The following EIF2B5 variants were observed in gnomAD, a reference collection of about 807,000 sequenced individuals.
EIF2B5 encodes translation initiation factor eIF2B subunit epsilon.
In EIF2B5, 38 loss-of-function variants were observed where a neutral mutation model predicts 87.3. The observed-to-expected ratio is 0.44, with a 90% confidence interval of 0.34 to 0.57. The LOEUF (loss-of-function observed/expected upper bound fraction) is 0.57. Ranked by LOEUF, EIF2B5 falls within the 20% of genes least tolerant of loss-of-function variation. The pLI, the probability that EIF2B5 is intolerant of heterozygous loss-of-function variation, is 0.02. For missense variants in EIF2B5, 784 were observed against 909.5 expected, an observed-to-expected ratio of 0.86 and a Z score of 1.78; for synonymous variants, 313 against 339.6, an observed-to-expected ratio of 0.92 and a Z score of 0.86.
At position 184,142,877 on chromosome 3, in the gene EIF2B5, G is replaced by A. The variant is rs372248462; in HGVS notation, c.1645G>A (p.Asp549Asn). The change falls in exon 11 of 16, where the codon GAC (aspartate) becomes AAC (asparagine). Residue 549 changes from aspartate to asparagine, a missense_variant. Physicochemically the swap from Asp to Asn is conservative, Grantham distance 23. This residue lies in a region of EIF2B5 where 660 missense variants were observed against 789.5 expected (regional missense o/e 0.84). Transcript: ENST00000648915. The surrounding 1 kb of genome is among the most constrained non-coding windows in gnomAD (Gnocchi z 5.0). ...DSRGGSPQMD[D>N]IKVFQNEVLG... ...CCGGGGAGGCTCCCCTCAGATGGAT[G>A]ACATCAAAGGTGAGTGGCAGGGGAG... The A allele has an allele frequency of 1.9e-6, 3 of 1,613,330 alleles. No individual in the cohort carries two copies. Among genetic ancestry groups the A allele is most frequent in the African/African-American group, 2.7e-5 (2 of 74,928 alleles).
At chr3:184,140,012 G>C in intron 5 of EIF2B5, 68 bp from the exon 6 acceptor site, 1 of 1,301,130 alleles carries the variant, frequency 7.7e-7, no homozygotes, top group Non-Finnish European at 1.1e-6. Context: ...AACAGAGCTA[G>C]ACTTGTCTCA....
chr3:184,137,590 A>C (rs761899134), intron 2 of EIF2B5, 30 bp from the exon 3 acceptor site: 1 of 1,606,158 alleles, frequency 6.2e-7, no homozygotes, highest in Admixed American at 1.7e-5. Context: ...TGCTTGATAC[A>C]CTCATTCCCC....
chr3:184,144,241 GC>G lies in EIF2B5; in HGVS notation c.1995+21del, dbSNP rs763752673. The G allele has an allele frequency of 7.7e-5, 125 of 1,613,528 alleles. No individual in the cohort carries two copies. Among genetic ancestry groups the G allele is most frequent in the Non-Finnish European group, 1.0e-4 (122 of 1,180,020 alleles). On this transcript the variant is annotated intron_variant, in intron 14 of 15. Coordinates refer to ENST00000648915, the MANE Select transcript of EIF2B5 (RefSeq NM_003907.3). ...ATGGCCAAGGTGAATATGACCTCAA[GC>G]CCCATTCTTCTGCACTTGCTTTCAA...
In EIF2B5 at chr3:184,136,904, TTGTATC is replaced by T. The variant is rs1387243806; in HGVS notation, c.320+172_320+177del. 5.7e-5 allele frequency: 53 copies of T among 937,020 alleles called. 1 individual carries two copies. In the Admixed American group the frequency reaches 8.4e-4, roughly 15 times the overall value. 58.0% of individuals were successfully genotyped at this position (937,020 alleles called of 1,614,324 possible). ...TATCAGGAGGTGAGCAGCTGAAACT[TTGTATC>T]TGTCTGTCTTGGGTTTTCTGTGACA... On this transcript the variant is annotated intron_variant, in intron 2 of 15. Coordinates refer to ENST00000648915, the MANE Select transcript of EIF2B5 (RefSeq NM_003907.3).
rs764294660 is a variant in EIF2B5, at chr3:184,142,211, T to C, written c.1303-26T>C. 2 of 1,614,116 alleles carry C rather than the reference T, an allele frequency of 1.2e-6. No homozygotes were observed. Among genetic ancestry groups the C allele is most frequent in the Non-Finnish European group, 1.7e-6 (2 of 1,180,012 alleles). ...GATGCACTTTTCCTCCACACCCTAA[T>C]GGTTCTGTGTTTTTTTTCCCCTTAG... On this transcript the variant is annotated intron_variant, in intron 8 of 15. Transcript: ENST00000648915. The surrounding 1 kb of genome is among the most constrained non-coding windows in gnomAD (Gnocchi z 5.0).
Position 184,140,463 on chromosome 3 carries a change from G to A in EIF2B5, c.889G>A (p.Gly297Ser), listed in dbSNP as rs962701773. ...CATGCACGTAACAGCTAAGGAATAT[G>A]GTGCCCGTGTCTCCAACCTACACAT... ...IHMHVTAKEYGARVSNLHMYS... is the reference protein window; with the variant it reads ...IHMHVTAKEYSARVSNLHMYS... Residue 297 changes from glycine (G) to serine (S), a missense_variant, in exon 7 of 16, where the codon GGT becomes AGT. By Grantham distance (56) the Gly-to-Ser change is moderately conservative. Coordinates refer to ENST00000648915, the MANE Select transcript of EIF2B5 (RefSeq NM_003907.3). 2 of 1,613,998 alleles carry A rather than the reference G, an allele frequency of 1.2e-6. No homozygotes were observed. Among genetic ancestry groups the A allele is most frequent in the Non-Finnish European group, 1.7e-6 (2 of 1,180,040 alleles).
Position 184,137,983 on chromosome 3 carries a change from G to C in EIF2B5, c.592G>C (p.Glu198Gln), listed in dbSNP as rs2971410. 3 of 1,614,078 alleles carry C rather than the reference G, an allele frequency of 1.9e-6. No homozygotes were observed. The highest frequency in any genetic ancestry group is 2.5e-6 in the Non-Finnish European group (3 of 1,180,040). The change falls in exon 4 of 16, where the codon GAA (glutamate) becomes CAA (glutamine). Residue 198 changes from glutamate to glutamine, a missense_variant. Glu to Gln is a conservative substitution (Grantham distance 29, BLOSUM62 2). Coordinates refer to ENST00000648915, the MANE Select transcript of EIF2B5 (RefSeq NM_003907.3). Reference protein sequence around the residue: ...SSPSHPTRCHEDNVVVAVDST... With the variant: ...SSPSHPTRCHQDNVVVAVDST... ...CCCCAGCCACCCAACTCGTTGCCAC[G>C]AAGACAATGTGGTAGTGGCTGTGGA... is the stretch of plus-strand genomic sequence containing the variant.
At chr3:184,135,994 ATT>A in intron 1 of EIF2B5, 2 of 220,622 alleles carry the variant, frequency 9.1e-6, no homozygotes, top group Non-Finnish European at 1.8e-5. Flanking sequence ...CAGGCAGTGT[ATT>A]TTTTTTTTCC....
Position 184,142,880 on chromosome 3 carries a change from A to G in EIF2B5, c.1648A>G (p.Ile550Val), listed in dbSNP as rs1713703767. ...GGGAGGCTCCCCTCAGATGGATGAC[A>G]TCAAAGGTGAGTGGCAGGGGAGAAA... ...SRGGSPQMDD[I>V]KVFQNEVLGT... The change falls in exon 11 of 16, where the codon ATC (isoleucine) becomes GTC (valine). Residue 550 changes from isoleucine to valine, a missense_variant. Transcript: ENST00000648915. The surrounding 1 kb of genome is among the most constrained non-coding windows in gnomAD (Gnocchi z 5.0). The G allele has an allele frequency of 1.9e-6, 3 of 1,613,482 alleles. No homozygotes were observed. The highest frequency in any genetic ancestry group is 2.5e-6 in the Non-Finnish European group (3 of 1,179,748).
In EIF2B5 at chr3:184,140,689, G is replaced by A; in HGVS notation, c.1115G>A (p.Cys372Tyr). The part of the protein sequence containing the change: ...LGSGTVIGSN[C>Y]FITNSVIGPG... ...TCTGGCACTGTCATTGGCAGCAATT[G>A]CTTTATCACCAACAGTGTCATTGGC... The change falls in exon 7 of 16, where the codon TGC becomes TAC. Residue 372 changes from cysteine to tyrosine, a missense_variant. By Grantham distance (194) the Cys-to-Tyr change is radical. Transcript: ENST00000648915. The A allele has an allele frequency of 6.2e-7, 1 of 1,614,166 alleles. No homozygotes were observed. The highest frequency in any genetic ancestry group is 1.1e-5 in the South Asian group (1 of 91,084).
intron 7 of EIF2B5, among the ~76,000 whole-genome samples, chr3:184,141,059 A>G (rs1713612520): frequency 1.3e-5 from 2 of 152,194 alleles, no homozygotes; most frequent in African/African-American, 4.8e-5. Context: ...GTTACATTTA[A>G]TCTTCATAAT....
In EIF2B5 at chr3:184,145,071, T is replaced by TG; in HGVS notation, c.*130dup. The TG allele has an allele frequency of 1.2e-6, 1 of 847,032 alleles. No homozygotes were observed. The highest frequency in any genetic ancestry group is 2.0e-6 in the Non-Finnish European group (1 of 512,812). 52.5% of individuals were successfully genotyped at this position (847,032 alleles called of 1,614,324 possible). A position where few individuals can be genotyped will look rare whatever the true frequency, so the allele number is the denominator to read the frequency against. ...GGCTGAGACTGAAAGGAGCAGAGGC[T>TG]GGAACTACAGTATTCTTTCCCCTGC... On this transcript the variant is annotated 3_prime_UTR_variant, in exon 16 of 16. Transcript: ENST00000648915. The surrounding 1 kb of genome is among the most constrained non-coding windows in gnomAD (Gnocchi z 4.0).
chr3:184,139,767 C>G (rs1713536674), intron 5 of EIF2B5, among the ~76,000 whole-genome samples: 1 of 151,712 alleles, frequency 6.6e-6, no homozygotes, highest in Non-Finnish European at 1.5e-5. Context: ...CTTGTAATCC[C>G]AGCACTTTGG....
rs1713430603 is a variant in EIF2B5 at position 184,137,798 on chromosome 3, G to A, written c.499G>A (p.Glu167Lys). The change falls in exon 3 of 16, where the codon GAA (glutamate) becomes AAA (lysine). Residue 167 changes from glutamate to lysine, a missense_variant. This residue lies in a region of EIF2B5 where 660 missense variants were observed against 789.5 expected (regional missense o/e 0.84). Coordinates refer to ENST00000648915, the MANE Select transcript of EIF2B5 (RefSeq NM_003907.3). Reference protein sequence around the residue: ...SNINITRALEEHRLRRKLEKN... With the variant: ...SNINITRALEKHRLRRKLEKN... ...CATCAATATCACCAGAGCCCTTGAG[G>A]AACACAGGTCAGGATGGGAAAATGA... The A allele has an allele frequency of 1.2e-6, 2 of 1,614,054 alleles. No individual in the cohort carries two copies. The highest frequency in any genetic ancestry group is 3.3e-5 in the Admixed American group (2 of 59,994).
Position 184,143,552 on chromosome 3 carries a change from C to G in EIF2B5, c.1856C>G (p.Ala619Gly). The G allele has an allele frequency of 6.2e-7, 1 of 1,614,186 alleles. No homozygotes were observed. Among genetic ancestry groups the G allele is most frequent in the East Asian group, 2.2e-5 (1 of 44,880 alleles). ...CCGCTTGACTCAAGCCGCTACTGTG[C>G]CCTGCTGCTTCCTGTGAGCAAAGAT... is the stretch of plus-strand genomic sequence containing the variant. Reference protein sequence around the residue: ...DSPLDSSRYCALLLPLLKAWS... With the variant: ...DSPLDSSRYCGLLLPLLKAWS... The change falls in exon 13 of 16, where the codon GCC (alanine) becomes GGC (glycine). Residue 619 changes from alanine to glycine, a missense_variant. Transcript: ENST00000648915.
chr3:184,144,848 C>T (rs1349683799), intron 15 of EIF2B5, 36 bp from the exon 16 acceptor site: 2 of 1,609,990 alleles, frequency 1.2e-6, no homozygotes, highest in Admixed American at 1.7e-5. Context: ...GTTATGTGCA[C>T]CTCCCCCAGC....
Position 184,140,576 on chromosome 3 carries a change from C to T in EIF2B5, c.1002C>T (p.Ser334=). The change falls in exon 7 of 16, where the codon AGC becomes AGT. Residue 334 remains serine (S), a synonymous_variant. Coordinates refer to ENST00000648915, the MANE Select transcript of EIF2B5 (RefSeq NM_003907.3). The stretch of plus-strand genomic sequence containing the variant: ...ACTTCACTGACAGCACCACCCAGAG[C>T]TGCACTCATTCCCGGCACAACATCT... ...EANFTDSTTQ[S]CTHSRHNIYR... is the part of the protein sequence containing the mutation. 5 of 1,614,228 alleles carry T rather than the reference C, an allele frequency of 3.1e-6. No homozygotes were observed. The highest frequency in any genetic ancestry group is 4.2e-6 in the Non-Finnish European group (5 of 1,180,046).
intron 5 of EIF2B5, chr3:184,138,979 T>C: frequency 4.2e-6 from 1 of 236,028 alleles, no homozygotes; most frequent in Non-Finnish European, 8.7e-6. Context: ...TTGTTGTTAT[T>C]GTTGTTTTGA....
rs372281670 is a variant in EIF2B5, at chr3:184,143,148, A to G, written c.1745+6A>G. The G allele has an allele frequency of 2.4e-5, 38 of 1,612,516 alleles. No homozygotes were observed. Among genetic ancestry groups the G allele is most frequent in the Non-Finnish European group, 3.2e-5 (38 of 1,179,338 alleles). ...CTGGAAATCAACTCTCTCAAGTAAGAGCAGCCCCTCCCTGTTCTCCTCGGG... is the reference window on the plus strand; with the variant it reads ...CTGGAAATCAACTCTCTCAAGTAAGGGCAGCCCCTCCCTGTTCTCCTCGGG... On this transcript the variant is annotated splice_donor_region_variant and intron_variant, in intron 12 of 15. Transcript: ENST00000648915.
Sources: allele counts gnomAD v4.1 joint callset (sites outside exome capture counted in the v4.1 genomes callset), GRCh38; gene constraint gnomAD v4.1.1; regional missense constraint gnomAD v4.1.1; non-coding constraint Gnocchi (gnomAD v3.1); transcripts MANE v1.5; gene names NCBI Gene and HGNC (gene_info 2026-07-23, HGNC 2026-07-21).